Variants in ZNF407 observed in about 807,000 individuals in gnomAD.
The protein encoded by ZNF407 is zinc finger protein 407.
In ZNF407, 17 loss-of-function variants were observed where a neutral mutation model predicts 131.2. The observed-to-expected ratio is 0.13, with a 90% CI of 0.09 to 0.19. ZNF407 has a LOEUF of 0.19. Among genes scored for constraint, ZNF407 ranks in the 10% least tolerant of loss-of-function variants. The pLI, the probability that ZNF407 is intolerant of heterozygous loss-of-function variation, is 1.00. For synonymous variants in ZNF407, 1,156 were observed against 1,062.0 expected (o/e 1.09, Z -1.72); for missense variants, 2,681 against 2,830.6 (o/e 0.95, Z 1.20).
chr18:74,715,061 C>T (rs902544325), intron 3 of ZNF407, among the ~76,000 whole-genome samples: 1 of 152,180 alleles, frequency 6.6e-6, no homozygotes, highest in African/African-American at 2.4e-5. Flanking sequence ...CCTTACAAAA[C>T]CTACACGTGA....
chr18:74,701,568 G>A (rs1967496879), intron 3 of ZNF407, among the ~76,000 whole-genome samples: 1 of 151,996 alleles, frequency 6.6e-6, no homozygotes, highest in African/African-American at 2.4e-5. Flanking sequence ...GCTTCCTTCT[G>A]GTAATCACCG....
intron 1 of ZNF407, among the ~76,000 whole-genome samples, chr18:74,623,577 A>T (rs1983657805): frequency 6.6e-6 from 1 of 152,256 alleles, no homozygotes. Context: ...TGTTTCTCAA[A>T]TTCTTCCCGA....
intron 8 of ZNF407, among the ~76,000 whole-genome samples, chr18:74,954,299 T>C (rs1345694590): frequency 2.0e-5 from 3 of 152,232 alleles, no homozygotes; most frequent in African/African-American, 7.2e-5. Context: ...TCAAAATAGA[T>C]ACTTGTGTTA....
chr18:74,913,619 A>G (rs1255870029), intron 7 of ZNF407, among the ~76,000 whole-genome samples: 1 of 152,240 alleles, frequency 6.6e-6, no homozygotes, highest in Non-Finnish European at 1.5e-5. Flanking sequence ...GATTGTACCT[A>G]GCTGGTCATC....
intron 2 of ZNF407, among the ~76,000 whole-genome samples, chr18:74,638,860 A>G (rs549138): frequency 0.19 from 29,370 of 152,144 alleles, 3,561 homozygotes; most frequent in African/African-American, 0.35. Context: ...CGGAAAGTAC[A>G]TAGCAAACTT....
intron 8 of ZNF407, among the ~76,000 whole-genome samples, chr18:74,931,193 G>A (rs1224480951): frequency 6.6e-6 from 1 of 152,026 alleles, no homozygotes; most frequent in East Asian, 1.9e-4. Flanking sequence ...AATAACAAAA[G>A]GAAAACATAA....
chr18:74,949,780 C>T (rs190597348), intron 8 of ZNF407, among the ~76,000 whole-genome samples: 57 of 152,202 alleles, frequency 3.7e-4, no homozygotes, highest in African/African-American at 9.6e-4. Flanking sequence ...ATGACTCTGC[C>T]GAGGTGCCAC....
At chr18:74,839,180 TTCATTGGTGCACATC>T (rs1453548849) in intron 4 of ZNF407, among the ~76,000 whole-genome samples, 1 of 152,210 alleles carries the variant, frequency 6.6e-6, no homozygotes, top group Admixed American at 6.5e-5. Flanking sequence ...AAGAAATAAT[TTCATTGGTGCACATC>T]TCTATTAGTA....
chr18:74,845,209 A>G (rs1485013575), intron 4 of ZNF407, among the ~76,000 whole-genome samples: 1 of 152,192 alleles, frequency 6.6e-6, no homozygotes, highest in Non-Finnish European at 1.5e-5. Context: ...AAAAGAAAGC[A>G]CTGTGATATG....
Position 74,637,939 on chromosome 18 carries a change from C to T in ZNF407, c.4687+2233C>T, listed in dbSNP as rs571703698. On this transcript the variant is annotated intron_variant, in intron 2 of 8. Coordinates refer to ENST00000299687, the MANE Select transcript of ZNF407 (RefSeq NM_017757.3). ...GAGTCTCCCCGTGTGCATGCTACTACGAAGTAATCAACATGACCAGAAAGG... is the reference window on the plus strand; with the variant it reads ...GAGTCTCCCCGTGTGCATGCTACTATGAAGTAATCAACATGACCAGAAAGG... 1.2e-4 allele frequency among the ~76,000 whole-genome samples: 18 copies of T among 152,288 alleles called. No individual in the cohort carries two copies. In the South Asian group the frequency reaches 1.5e-3, roughly 12 times the overall value.
chr18:74,881,410 T>C (rs1322478283), intron 6 of ZNF407, among the ~76,000 whole-genome samples: 1 of 152,144 alleles, frequency 6.6e-6, no homozygotes, highest in Non-Finnish European at 1.5e-5. Context: ...CAGGAGACTA[T>C]CTTCTCTGTC....
intron 4 of ZNF407, among the ~76,000 whole-genome samples, chr18:74,799,162 A>G (rs929441867): frequency 6.6e-6 from 1 of 152,166 alleles, no homozygotes; most frequent in African/African-American, 2.4e-5. Flanking sequence ...AAACTGTTCA[A>G]AGAAATTACT....
intron 4 of ZNF407, among the ~76,000 whole-genome samples, chr18:74,798,365 CAG>C (rs1016392158): frequency 1.9e-4 from 28 of 151,334 alleles, no homozygotes; most frequent in African/African-American, 6.8e-4. Context: ...AATTGAGAAA[CAG>C]TGAAAAAAAG....
At chr18:74,919,974 A>G (rs78114382) in intron 7 of ZNF407, among the ~76,000 whole-genome samples, 2,273 of 152,320 alleles carry the variant, frequency 0.015, 24 homozygotes, top group Non-Finnish European at 0.027. Context: ...GTATCATCAC[A>G]GAAAACGCCA....
intron 1 of ZNF407, among the ~76,000 whole-genome samples, chr18:74,625,150 T>G (rs1187447009): frequency 6.6e-6 from 1 of 152,252 alleles, no homozygotes; most frequent in Admixed American, 6.5e-5. Context: ...ATTGGGTTAT[T>G]TCATTAATTT....
rs144396135 is a variant in ZNF407, at chr18:75,045,175, G to A, written c.5429-17975G>A. Among the ~76,000 whole-genome samples, 18 of 152,236 alleles carry A rather than the reference G, an allele frequency of 1.2e-4. No homozygotes were observed. The East Asian group carries it at 3.5e-3, about 29-fold the overall frequency. On this transcript the variant is annotated intron_variant, in intron 8 of 8. Transcript: ENST00000299687. ...ATGTACATAACATGTGCCTGTGTAT[G>A]TGCATGCACACGTGTATGAAAAAAT...
intron 8 of ZNF407, among the ~76,000 whole-genome samples, chr18:74,932,706 T>C (rs1439104827): frequency 6.6e-6 from 1 of 152,250 alleles, no homozygotes; most frequent in African/African-American, 2.4e-5. Context: ...TAAGAAAATG[T>C]GTTCACTTTT....
At chr18:74,714,900 A>G (rs1967856437) in intron 3 of ZNF407, among the ~76,000 whole-genome samples, 1 of 152,152 alleles carries the variant, frequency 6.6e-6, no homozygotes, top group Non-Finnish European at 1.5e-5. Flanking sequence ...TTTTTCTTGC[A>G]TAAATCTCCT....
At chr18:74,617,087 C>CCACACACCACACA in intron 1 of ZNF407, among the ~76,000 whole-genome samples, 1 of 104,148 alleles carries the variant, frequency 9.6e-6, no homozygotes, top group East Asian at 2.4e-4. Context: ...ACATCCATAT[C>CCACACACCACACA]CATGCACCAA....
Sources: allele counts gnomAD v4.1 joint callset (sites outside exome capture counted in the v4.1 genomes callset), GRCh38; gene constraint gnomAD v4.1.1; transcripts MANE v1.5; gene names NCBI Gene and HGNC (gene_info 2026-07-23, HGNC 2026-07-21).